Variants in SLC41A2 observed in about 807,000 individuals in gnomAD.
The protein encoded by SLC41A2 is SLC41A1-like 1.
Under a neutral mutation model 58.3 loss-of-function variants are expected in SLC41A2, and 32 were observed. The ratio of observed to expected loss-of-function variants is 0.55; its 90% CI spans 0.41 to 0.74. The LOEUF is 0.74. Ranked by LOEUF, SLC41A2 falls within the 30% of genes least tolerant of loss-of-function variation. The pLI, the probability that SLC41A2 is intolerant of heterozygous loss-of-function variation, is 0.00. For missense variants in SLC41A2, 514 were observed against 680.6 expected, an observed-to-expected ratio of 0.76 and a Z score of 2.72; for synonymous variants, 190 against 235.0, an observed-to-expected ratio of 0.81 and a Z score of 1.75.
chr12:104,853,714 T>TGTAC (rs2042889269), intron 8 of SLC41A2, among the ~76,000 whole-genome samples: 1 of 124,084 alleles, frequency 8.1e-6, no homozygotes, highest in Non-Finnish European at 1.6e-5. Context: ...AATAAATGTA[T>TGTAC]GTATGTATGT....
At chr12:104,934,123 T>C (rs1295507034) in intron 1 of SLC41A2, among the ~76,000 whole-genome samples, 1 of 152,164 alleles carries the variant, frequency 6.6e-6, no homozygotes, top group African/African-American at 2.4e-5. Context: ...TGTGCATATA[T>C]ACCACAAAAT....
intron 6 of SLC41A2, among the ~76,000 whole-genome samples, chr12:104,881,130 T>A (rs2044346025): frequency 6.6e-6 from 1 of 152,224 alleles, no homozygotes; most frequent in Non-Finnish European, 1.5e-5. Flanking sequence ...TCTCTGATGG[T>A]AGTTTGTATT....
At chr12:104,947,331 G>A (rs1429399230) in intron 1 of SLC41A2, among the ~76,000 whole-genome samples, 1 of 150,056 alleles carries the variant, frequency 6.7e-6, no homozygotes, top group East Asian at 2.0e-4. Flanking sequence ...AGCCTCCTGA[G>A]TAGCTGGGAC....
intron 1 of SLC41A2, among the ~76,000 whole-genome samples, chr12:104,957,751 G>A (rs559674103): frequency 6.6e-6 from 1 of 152,200 alleles, no homozygotes; most frequent in Admixed American, 6.5e-5. Flanking sequence ...CAGCCTCGCA[G>A]CATCTCCATC....
At chr12:104,910,445 T>C (rs1412797710) in intron 2 of SLC41A2, among the ~76,000 whole-genome samples, 1 of 152,186 alleles carries the variant, frequency 6.6e-6, no homozygotes, top group Non-Finnish European at 1.5e-5. Flanking sequence ...TCTTCATCCA[T>C]TAAATGAAAA....
chr12:104,845,529 A>G (rs2042570237), intron 9 of SLC41A2, among the ~76,000 whole-genome samples: 2 of 152,174 alleles, frequency 1.3e-5, no homozygotes, highest in South Asian at 2.1e-4. Flanking sequence ...AAATAATAAT[A>G]TAGATAAGAT....
intron 1 of SLC41A2, among the ~76,000 whole-genome samples, chr12:104,948,642 T>C (rs1593194046): frequency 2.6e-5 from 4 of 152,302 alleles, no homozygotes; most frequent in Admixed American, 2.6e-4. Flanking sequence ...ACTTTCTGAC[T>C]AACCAGTTAA....
At chr12:104,908,570 T>G (rs2045948682) in intron 3 of SLC41A2, among the ~76,000 whole-genome samples, 1 of 152,240 alleles carries the variant, frequency 6.6e-6, no homozygotes, top group African/African-American at 2.4e-5. Context: ...TTTCAGTTAG[T>G]AATATCATCT....
chr12:104,930,955 G>A (rs886339853), intron 1 of SLC41A2, among the ~76,000 whole-genome samples: 2 of 152,124 alleles, frequency 1.3e-5, no homozygotes, highest in African/African-American at 4.8e-5. Context: ...TTCTTACTTC[G>A]GTATAAGCTA....
At chr12:104,888,422 A>G (rs554231306) in intron 5 of SLC41A2, among the ~76,000 whole-genome samples, 4 of 152,236 alleles carry the variant, frequency 2.6e-5, no homozygotes, top group African/African-American at 7.2e-5. Context: ...TATGATTGTG[A>G]TTCCACAATA....
chr12:104,845,795 G>A (rs978312001), intron 9 of SLC41A2, 48 bp downstream of exon 9: 2 of 1,543,094 alleles, frequency 1.3e-6, no homozygotes, highest in African/African-American at 1.4e-5. Context: ...TAATCTTAGA[G>A]AGCAATAGCC....
chr12:104,806,215 TC>T (rs1310573194), intron 10 of SLC41A2, among the ~76,000 whole-genome samples: 47 of 142,142 alleles, frequency 3.3e-4, no homozygotes, highest in Non-Finnish European at 9.2e-5. Flanking sequence ...CCCTCCCCAC[TC>T]CCCCCACCCC....
intron 2 of SLC41A2, among the ~76,000 whole-genome samples, chr12:104,915,676 T>C (rs533441812): frequency 1.0e-3 from 153 of 152,280 alleles, no homozygotes; most frequent in African/African-American, 3.5e-3. Context: ...TGGGCTGATA[T>C]AATGGGGTTT....
At chr12:104,920,002 G>A (rs1401736350) in intron 2 of SLC41A2, among the ~76,000 whole-genome samples, 3 of 152,168 alleles carry the variant, frequency 2.0e-5, no homozygotes, top group Non-Finnish European at 4.4e-5. Context: ...TAAAGCACGA[G>A]ACTCAGGTCA....
chr12:104,877,608 T>A (rs1006727143), intron 6 of SLC41A2, among the ~76,000 whole-genome samples: 2 of 152,204 alleles, frequency 1.3e-5, no homozygotes, highest in African/African-American at 4.8e-5. Context: ...TATGTATGCA[T>A]CACTATATAA....
At chr12:104,900,389 C>T (rs2045500598) in intron 3 of SLC41A2, among the ~76,000 whole-genome samples, 2 of 152,120 alleles carry the variant, frequency 1.3e-5, no homozygotes, top group African/African-American at 2.4e-5. Flanking sequence ...AAAACACACA[C>T]ACAAATAGCT....
intron 10 of SLC41A2, among the ~76,000 whole-genome samples, chr12:104,810,653 C>T (rs141594544): frequency 2.0e-4 from 30 of 152,222 alleles, no homozygotes; most frequent in African/African-American, 5.5e-4. Context: ...CCTATTTAGC[C>T]GATTATTCCT....
chr12:104,805,544 T>C (rs1190666790), intron 10 of SLC41A2, among the ~76,000 whole-genome samples: 1 of 152,192 alleles, frequency 6.6e-6, no homozygotes. Context: ...GTACTAAAAT[T>C]TTTCTTCAAC....
At chr12:104,891,245 GC>G (rs2044950055) in intron 4 of SLC41A2, among the ~76,000 whole-genome samples, 1 of 152,042 alleles carries the variant, frequency 6.6e-6, no homozygotes, top group Admixed American at 6.6e-5. Context: ...AAAGACACAG[GC>G]TTTGGGCTAT....
Sources: gnomAD v4.1 joint callset for allele counts (sites outside exome capture counted in the v4.1 genomes callset) on GRCh38, gnomAD v4.1.1 for gene constraint, MANE v1.5 for transcripts, NCBI Gene and HGNC (gene_info 2026-07-23, HGNC 2026-07-21) for gene names.